The following FBXO27 variants were observed in gnomAD, a reference collection of about 807,000 sequenced individuals.
FBXO27 encodes F-box protein 27, also known as F-box only protein 27.
A neutral mutation model predicts 28.3 loss-of-function variants in FBXO27; 28 were observed. The ratio of observed to expected loss-of-function variants is 0.99; its 90% CI spans 0.73 to 1.36. FBXO27 has a LOEUF of 1.36. Ranked by LOEUF, FBXO27 falls within the 40% of genes most tolerant of loss-of-function variation. FBXO27 has a pLI of 0.00. For synonymous variants in FBXO27, 175 were observed against 167.3 expected, an observed-to-expected ratio of 1.05 and a Z score of -0.36; for missense variants, 388 against 394.1, an observed-to-expected ratio of 0.98 and a Z score of 0.13.
rs563348189 is a variant in FBXO27, at chr19:39,030,004, G to A, written c.572+1025C>T. 2.0e-5 allele frequency among the ~76,000 whole-genome samples: 3 copies of A among 152,266 alleles called. No individual in the cohort carries two copies. In the South Asian group the frequency reaches 6.2e-4, roughly 32 times the overall value. Reference sequence around the variant, plus strand: ...CTACAGACACTTACCATGACGCCCAGCTAATTTTTTGTATTTTTAGTAGAG... The same window carrying A: ...CTACAGACACTTACCATGACGCCCAACTAATTTTTTGTATTTTTAGTAGAG... On this transcript the variant is annotated intron_variant, in intron 4 of 5. Transcript: ENST00000292853.
rs570032219 is a variant in FBXO27 at position 39,016,743 on chromosome 19, C to T, written c.92-2196G>A. ...AAGGATGCAGTGAGATGAGATTGCACTGTTGTACTCTAGCCTGGGCAACAG... is the reference window on the plus strand; with the variant it reads ...AAGGATGCAGTGAGATGAGATTGCATTGTTGTACTCTAGCCTGGGCAACAG... On this transcript the variant is annotated intron_variant, in intron 1 of 2. Transcript: ENST00000598394. Among the ~76,000 whole-genome samples, 308 of 151,338 alleles carry T rather than the reference C, an allele frequency of 2.0e-3. 3 individuals carry two copies. Among genetic ancestry groups the T allele is most frequent in the Non-Finnish European group, 3.6e-3 (242 of 67,906 alleles).
rs751469287 is a variant in FBXO27, at chr19:39,032,057, C to A, written c.171G>T (p.Trp57Cys). 19 of 1,529,494 alleles carry A rather than the reference C, an allele frequency of 1.2e-5. No homozygotes were observed. The South Asian group carries it at 2.2e-4, about 18-fold the overall frequency. The allele number at this position is 1,529,494 out of a possible 1,614,324, so 94.7% of individuals were successfully genotyped here. ...LGRCRQVCRGWRALVDGQALW... is the reference protein window; with the variant it reads ...LGRCRQVCRGCRALVDGQALW... ...GGGCCTGGCCGTCCACCAGGGCTCG[C>A]CAGCCCCGGCACACTTGGCGGCAGC... The change falls in exon 2 of 6, where the codon TGG becomes TGT. Residue 57 changes from tryptophan to cysteine, a missense_variant. Coordinates refer to ENST00000292853, the MANE Select transcript of FBXO27 (RefSeq NM_178820.5). This position sits in a 1 kb window ranked among gnomAD's most constrained non-coding sequence, Gnocchi z 4.7.
chr19:39,008,640 G>A (rs114773693), intron 2 of FBXO27, among the ~76,000 whole-genome samples: 1,560 of 152,130 alleles, frequency 0.01, 29 homozygotes, highest in African/African-American at 0.036. Context: ...GTGTACCTGT[G>A]AGCAGTCACT....
At chr19:39,028,645 C>T (rs2072885940) in intron 4 of FBXO27, among the ~76,000 whole-genome samples, 2 of 151,862 alleles carry the variant, frequency 1.3e-5, no homozygotes, top group South Asian at 4.2e-4. Context: ...GGCAGATCAC[C>T]TGAGGTCAGG....
intron 2 of FBXO27, among the ~76,000 whole-genome samples, chr19:39,012,126 C>T (rs71356827): frequency 2.0e-5 from 3 of 151,888 alleles, no homozygotes; most frequent in Admixed American, 2.0e-4. Flanking sequence ...AGCCACCACG[C>T]CCGGCCGAGC....
chr19:39,007,057 CAAAAAAA>C lies in FBXO27; in HGVS notation c.252+7323_252+7329del, dbSNP rs34457510. On this transcript the variant is annotated intron_variant, in intron 2 of 2. Coordinates refer to the FBXO27 transcript ENST00000598394. ...CACTGGACTCTAGCCTGGGTGTCTCCAAAAAAAAAAAAAAAAAAAAATACAGAAAAGT... is the reference window on the plus strand; with the variant it reads ...CACTGGACTCTAGCCTGGGTGTCTCCAAAAAAAAAAAAAATACAGAAAAGT... Among the ~76,000 whole-genome samples the C allele has an allele frequency of 8.7e-5, 5 of 57,612 alleles. No individual in the cohort carries two copies. In the East Asian group the frequency reaches 2.6e-3, roughly 30 times the overall value. The allele number at this position is 57,612 out of a possible 152,430, so 37.8% of individuals were successfully genotyped here.
chr19:39,016,604 A>C (rs931188512), intron 1 of FBXO27, among the ~76,000 whole-genome samples: 2 of 150,654 alleles, frequency 1.3e-5, no homozygotes, highest in East Asian at 2.0e-4. Flanking sequence ...AAAAAAAAAA[A>C]AAAAAACCCA....
intron 2 of FBXO27, among the ~76,000 whole-genome samples, chr19:39,031,662 C>G (rs542081011): frequency 9.5e-4 from 144 of 151,732 alleles, no homozygotes; most frequent in South Asian, 2.7e-3. Context: ...CACCTCCCAC[C>G]GGCTCCCAAT....
intron 4 of FBXO27, among the ~76,000 whole-genome samples, chr19:39,028,884 T>G (rs2072887233): frequency 6.6e-6 from 1 of 150,472 alleles, no homozygotes; most frequent in Non-Finnish European, 1.5e-5. Context: ...AATTCAAAAA[T>G]TAGCCAGGCA....
At chr19:39,010,794 T>C (rs1163029345) in intron 2 of FBXO27, among the ~76,000 whole-genome samples, 2 of 152,268 alleles carry the variant, frequency 1.3e-5, no homozygotes, top group African/African-American at 4.8e-5. Flanking sequence ...AGAGCCCTGC[T>C]GTGCAGGAGT....
In FBXO27 at chr19:39,027,297, G is replaced by C. The variant is rs1215220171; in HGVS notation, c.573-292C>G. ...AGACCCACAATGTGACTTTCGGTGG[G>C]GGCTGGGAGTCAGGGAACGTCAGTT... On this transcript the variant is annotated intron_variant, in intron 4 of 5. Coordinates refer to ENST00000292853, the MANE Select transcript of FBXO27 (RefSeq NM_178820.5). Among the ~76,000 whole-genome samples the C allele has an allele frequency of 5.9e-5, 9 of 152,236 alleles. No homozygotes were observed. In the East Asian group the frequency reaches 1.7e-3, roughly 29 times the overall value.
intron 1 of FBXO27, among the ~76,000 whole-genome samples, chr19:39,016,377 C>T (rs576907623): frequency 1.7e-3 from 246 of 146,534 alleles, no homozygotes; most frequent in African/African-American, 5.8e-3. Context: ...TGTGTGTGTG[C>T]GTGAGGGGCT....
At chr19:39,022,028 A>G (rs920689313), downstream of FBXO27, among the ~76,000 whole-genome samples, 1 of 151,834 alleles carries the variant, frequency 6.6e-6, no homozygotes, top group Non-Finnish European at 1.5e-5. Context: ...GGTCAACTAT[A>G]TAATATTTCC....
At position 39,018,715 on chromosome 19, in the gene FBXO27, C is replaced by T. The variant is rs541884950; in HGVS notation, c.92-4168G>A. 1.1e-4 allele frequency among the ~76,000 whole-genome samples: 16 copies of T among 152,246 alleles called. No individual in the cohort carries two copies. In the South Asian group the frequency reaches 3.3e-3, roughly 32 times the overall value. On this transcript the variant is annotated intron_variant, in intron 1 of 2. Coordinates refer to the FBXO27 transcript ENST00000598394. ...GAAAATGAAATTCCCGAAGTGGTCA[C>T]AGTTATGCCGGCAAGCAGGAAATCC... is the stretch of plus-strand genomic sequence containing the variant.
At chr19:39,008,725 T>C (rs1334869690) in intron 2 of FBXO27, among the ~76,000 whole-genome samples, 1 of 152,196 alleles carries the variant, frequency 6.6e-6, no homozygotes, top group African/African-American at 2.4e-5. Flanking sequence ...TTCTGGGCAA[T>C]TCATATAAAT....
downstream of FBXO27, among the ~76,000 whole-genome samples, chr19:39,022,069 G>T (rs1287390243): frequency 6.6e-6 from 1 of 151,100 alleles, no homozygotes; most frequent in Non-Finnish European, 1.5e-5. Context: ...ATTCAACATG[G>T]TACTTGGCAT....
chr19:39,010,676 G>A (rs1440513091), intron 2 of FBXO27, among the ~76,000 whole-genome samples: 1 of 152,196 alleles, frequency 6.6e-6, no homozygotes, highest in Admixed American at 6.6e-5. Flanking sequence ...TGACCCAAAA[G>A]TTATTACCCA....
chr19:39,023,526 T>G (rs1411912211), downstream of FBXO27, among the ~76,000 whole-genome samples: 1 of 151,950 alleles, frequency 6.6e-6, no homozygotes, highest in Non-Finnish European at 1.5e-5. Context: ...ACTTGGGCCA[T>G]GCTTTTCTTC....
chr19:39,029,704 T>C (rs1450561337), intron 4 of FBXO27, among the ~76,000 whole-genome samples: 1 of 152,148 alleles, frequency 6.6e-6, no homozygotes, highest in Non-Finnish European at 1.5e-5. Flanking sequence ...ATCTGGGTCA[T>C]ATATCCCCTG....
Sources: allele counts gnomAD v4.1 joint callset (sites outside exome capture counted in the v4.1 genomes callset), GRCh38; gene constraint gnomAD v4.1.1; non-coding constraint Gnocchi (gnomAD v3.1); transcripts MANE v1.5; gene names NCBI Gene and HGNC (gene_info 2026-07-23, HGNC 2026-07-21).